The following EYA4 variants were observed in gnomAD, a reference collection of about 807,000 sequenced individuals.
EYA4 encodes EYA transcriptional coactivator and phosphatase 4.
In EYA4, 31 loss-of-function variants were observed where a neutral mutation model predicts 87.9. The ratio of observed to expected loss-of-function variants is 0.35; its 90% confidence interval spans 0.27 to 0.48. The LOEUF (loss-of-function observed/expected upper bound fraction) is 0.48. Ranked by LOEUF, EYA4 falls within the 20% of genes least tolerant of loss-of-function variation. The pLI, the probability that EYA4 is intolerant of heterozygous loss-of-function variation, is 0.99. For synonymous variants in EYA4, 263 were observed against 270.6 expected, an observed-to-expected ratio of 0.97 and a Z score of 0.28; for missense variants, 678 against 761.4, an observed-to-expected ratio of 0.89 and a Z score of 1.29.
In EYA4 at chr6:133,465,975, T is replaced by A. The variant is rs76722036; in HGVS notation, c.804+1117T>A. On this transcript the variant is annotated intron_variant, in intron 10 of 19. Transcript: ENST00000355286. ...ATTTTATTTTTTAAAATTGAGGTTT[T>A]TTTTGTAACTTGATTTTATGCATTT... Among the ~76,000 whole-genome samples the A allele has an allele frequency of 2.1e-4, 32 of 152,248 alleles. No homozygotes were observed. In the East Asian group the frequency reaches 5.8e-3, roughly 28 times the overall value.
chr6:133,243,772 G>C (rs1774182705), intron 1 of EYA4, among the ~76,000 whole-genome samples: 1 of 151,810 alleles, frequency 6.6e-6, no homozygotes, highest in Non-Finnish European at 1.5e-5. Flanking sequence ...GATACGGAGC[G>C]TTTTAGGAGA....
intron 13 of EYA4, among the ~76,000 whole-genome samples, chr6:133,504,834 T>C (rs111246605): frequency 0.01 from 1,553 of 152,254 alleles, 32 homozygotes; most frequent in African/African-American, 0.035. Flanking sequence ...TTGAGTAAAG[T>C]TTGCATTACA....
intron 18 of EYA4, chr6:133,524,941 T>G: frequency 7.8e-7 from 1 of 1,279,386 alleles, no homozygotes; most frequent in Admixed American, 1.7e-5. Context: ...CAAGAGGCAT[T>G]AACTTAACAC....
intron 9 of EYA4, among the ~76,000 whole-genome samples, chr6:133,463,589 G>A (rs143843700): frequency 0.031 from 4,760 of 152,088 alleles, 252 homozygotes; most frequent in East Asian, 0.22. Flanking sequence ...TCAAACTCCT[G>A]ATCTCAGGTG....
At chr6:133,321,930 TCTCTC>T in intron 2 of EYA4, among the ~76,000 whole-genome samples, 1 of 152,182 alleles carries the variant, frequency 6.6e-6, no homozygotes, top group Non-Finnish European at 1.5e-5. Flanking sequence ...GGGCCCATGG[TCTCTC>T]CTCTCTTACC....
intron 13 of EYA4, among the ~76,000 whole-genome samples, chr6:133,494,523 A>G (rs1023614866): frequency 2.0e-5 from 3 of 152,092 alleles, no homozygotes; most frequent in African/African-American, 7.2e-5. Context: ...GTAGTCAACA[A>G]TAATTTATTG....
intron 1 of EYA4, among the ~76,000 whole-genome samples, chr6:133,246,471 TTTA>T (rs1298894365): frequency 6.6e-6 from 1 of 152,006 alleles, no homozygotes; most frequent in African/African-American, 2.4e-5. Flanking sequence ...GCACAGGTAG[TTTA>T]TTTAGGTTAT....
chr6:133,318,714 G>T (rs190167454), intron 2 of EYA4, among the ~76,000 whole-genome samples: 1 of 151,622 alleles, frequency 6.6e-6, no homozygotes, highest in African/African-American at 2.4e-5. Context: ...TACCTGAGTG[G>T]GTTCTGTGCC....
chr6:133,277,921 CTTTAT>C (rs1777310647), intron 2 of EYA4, among the ~76,000 whole-genome samples: 1 of 152,144 alleles, frequency 6.6e-6, no homozygotes, highest in Non-Finnish European at 1.5e-5. Flanking sequence ...TAGTTGAGAT[CTTTAT>C]TTTATCTCTT....
At chr6:133,477,244 C>A (rs980285607) in intron 11 of EYA4, among the ~76,000 whole-genome samples, 1 of 152,048 alleles carries the variant, frequency 6.6e-6, no homozygotes, top group African/African-American at 2.4e-5. Flanking sequence ...CAGCAGTGTG[C>A]AAGATTTCTG....
At chr6:133,400,742 T>C (rs1023604721) in intron 3 of EYA4, among the ~76,000 whole-genome samples, 5 of 152,144 alleles carry the variant, frequency 3.3e-5, no homozygotes, top group Non-Finnish European at 5.9e-5. Flanking sequence ...CTTGGAGATA[T>C]CTTAAATTGT....
intron 2 of EYA4, among the ~76,000 whole-genome samples, chr6:133,376,519 G>C (rs748343468): frequency 1.1e-4 from 16 of 151,448 alleles, no homozygotes; most frequent in Non-Finnish European, 2.4e-4. Flanking sequence ...AATGTTTCAC[G>C]ATTTGTAATC....
intron 1 of EYA4, among the ~76,000 whole-genome samples, chr6:133,266,459 T>G (rs565103087): frequency 8.5e-5 from 13 of 152,312 alleles, no homozygotes; most frequent in African/African-American, 2.9e-4. Flanking sequence ...ACTGTGAGAA[T>G]AGATTTCAGT....
chr6:133,370,417 TCA>T (rs1442397711), intron 2 of EYA4, among the ~76,000 whole-genome samples: 2 of 152,242 alleles, frequency 1.3e-5, no homozygotes, highest in Non-Finnish European at 2.9e-5. Flanking sequence ...TTTAGATTTT[TCA>T]CAGTTTTTTA....
chr6:133,290,775 A>C (rs1323763753), intron 2 of EYA4, among the ~76,000 whole-genome samples: 1 of 152,206 alleles, frequency 6.6e-6, no homozygotes, highest in Admixed American at 6.5e-5. Flanking sequence ...GGGTTTAAGC[A>C]GAGTGAGAAC....
chr6:133,286,640 C>A (rs1490150065), intron 2 of EYA4, among the ~76,000 whole-genome samples: 2 of 152,182 alleles, frequency 1.3e-5, no homozygotes, highest in Non-Finnish European at 2.9e-5. Context: ...TTACTGGATT[C>A]ACCTCTATCA....
At chr6:133,443,174 A>C (rs966022095) in intron 3 of EYA4, among the ~76,000 whole-genome samples, 4 of 151,936 alleles carry the variant, frequency 2.6e-5, no homozygotes, top group Non-Finnish European at 5.9e-5. Context: ...TTTCTGAAAG[A>C]ATTTATTAAA....
At chr6:133,268,210 A>T (rs893168950) in intron 1 of EYA4, among the ~76,000 whole-genome samples, 1 of 152,164 alleles carries the variant, frequency 6.6e-6, no homozygotes, top group Admixed American at 6.5e-5. Flanking sequence ...ACTAATTTTT[A>T]TGTCCTCAGT....
chr6:133,251,239 A>G (rs1774874833), intron 1 of EYA4, among the ~76,000 whole-genome samples: 1 of 152,226 alleles, frequency 6.6e-6, no homozygotes, highest in Admixed American at 6.5e-5. Flanking sequence ...GCCAATATTT[A>G]AGTTTCCTCA....
Sources: gnomAD v4.1 joint callset for allele counts (sites outside exome capture counted in the v4.1 genomes callset) on GRCh38, gnomAD v4.1.1 for gene constraint, MANE v1.5 for transcripts, NCBI Gene and HGNC (gene_info 2026-07-23, HGNC 2026-07-21) for gene names.